The following HIVEP3 variants were observed in gnomAD, a reference collection of about 807,000 sequenced individuals.
The protein encoded by HIVEP3 is HIVEP zinc finger 3.
In HIVEP3, 49 loss-of-function variants were observed where a neutral mutation model predicts 152.8. The ratio of observed to expected loss-of-function variants is 0.32; its 90% CI spans 0.26 to 0.41. The LOEUF is 0.41. Among genes scored for constraint, HIVEP3 ranks in the 10% least tolerant of loss-of-function variants. The pLI, the probability that HIVEP3 is intolerant of heterozygous loss-of-function variation, is 1.00. For missense variants in HIVEP3, 2,790 were observed against 3,103.3 expected (o/e 0.90, Z 2.40); for synonymous variants, 1,269 against 1,289.0 (o/e 0.98, Z 0.33).
chr1:41,550,959 TC>T (rs1330603685), intron 5 of HIVEP3, among the ~76,000 whole-genome samples: 46 of 152,240 alleles, frequency 3.0e-4, no homozygotes, highest in African/African-American at 1.1e-3. Context: ...GTGCCAGTTT[TC>T]AAAGGGAATG....
chr1:41,740,835 C>T (rs943735368), intron 1 of HIVEP3, among the ~76,000 whole-genome samples: 3 of 152,156 alleles, frequency 2.0e-5, no homozygotes, highest in Non-Finnish European at 2.9e-5. Flanking sequence ...CCAAGCAACC[C>T]CCTGCCCTCA....
chr1:41,528,452 C>T (rs185140491), intron 5 of HIVEP3, among the ~76,000 whole-genome samples: 3 of 130,192 alleles, frequency 2.3e-5, no homozygotes, highest in African/African-American at 8.8e-5. Flanking sequence ...CCCACCCTCA[C>T]ACACACCCCA....
intron 1 of HIVEP3, among the ~76,000 whole-genome samples, chr1:41,728,763 C>T (rs1368720961): frequency 2.0e-5 from 3 of 152,220 alleles, no homozygotes; most frequent in Admixed American, 6.5e-5. Flanking sequence ...GGAATTCCCC[C>T]AAGGGGTGGG....
chr1:41,927,434 G>C (rs1390766113), intron 1 of HIVEP3, among the ~76,000 whole-genome samples: 1 of 152,192 alleles, frequency 6.6e-6, no homozygotes, highest in Non-Finnish European at 1.5e-5. Flanking sequence ...AGTCATTAAA[G>C]TCATGACTAG....
At chr1:41,680,015 C>T (rs886421044) in intron 2 of HIVEP3, among the ~76,000 whole-genome samples, 1 of 152,218 alleles carries the variant, frequency 6.6e-6, no homozygotes, top group African/African-American at 2.4e-5. Flanking sequence ...TACCCTGTGC[C>T]TCATCCTTTT....
At chr1:42,015,500 A>G (rs1645516944) in intron 1 of HIVEP3, among the ~76,000 whole-genome samples, 1 of 152,204 alleles carries the variant, frequency 6.6e-6, no homozygotes, top group South Asian at 2.1e-4. Flanking sequence ...CCTGCCTCCT[A>G]AGGAACCACG....
At chr1:41,579,299 A>T (rs1275370121) in intron 4 of HIVEP3, among the ~76,000 whole-genome samples, 2 of 152,236 alleles carry the variant, frequency 1.3e-5, no homozygotes, top group Non-Finnish European at 2.9e-5. Context: ...GAAACAGCAG[A>T]TGTAAGAATT....
chr1:41,733,610 C>T (rs1646874503), intron 1 of HIVEP3, among the ~76,000 whole-genome samples: 1 of 152,242 alleles, frequency 6.6e-6, no homozygotes, highest in Non-Finnish European at 1.5e-5. Flanking sequence ...CATGGCCTGG[C>T]TCTTGGGGCG....
intron 1 of HIVEP3, among the ~76,000 whole-genome samples, chr1:41,968,493 T>C (rs558725387): frequency 2.4e-4 from 37 of 152,296 alleles, no homozygotes; most frequent in Admixed American, 1.6e-3. Context: ...AAAAGTCCTT[T>C]GATAAAATTC....
chr1:41,881,741 C>T (rs1412584825), intron 1 of HIVEP3, among the ~76,000 whole-genome samples: 1 of 152,210 alleles, frequency 6.6e-6, no homozygotes, highest in East Asian at 1.9e-4. Flanking sequence ...CAGCCCAGGG[C>T]ATGCTCTGAA....
At chr1:41,984,065 G>A (rs1645308920) in intron 1 of HIVEP3, among the ~76,000 whole-genome samples, 1 of 152,208 alleles carries the variant, frequency 6.6e-6, no homozygotes, top group Non-Finnish European at 1.5e-5. Flanking sequence ...TTGAACTCCT[G>A]GACTCTAAGC....
At chr1:41,817,994 T>A (rs951123707) in intron 1 of HIVEP3, among the ~76,000 whole-genome samples, 3 of 152,110 alleles carry the variant, frequency 2.0e-5, no homozygotes, top group Admixed American at 2.0e-4. Flanking sequence ...AGGGGCCAGC[T>A]CTACTGTCCA....
At chr1:41,518,631 G>A in intron 6 of HIVEP3, 143 bp from the exon 7 acceptor site, 2 of 759,288 alleles carry the variant, frequency 2.6e-6, no homozygotes, top group South Asian at 3.1e-5. Context: ...CTGGGCAGGA[G>A]CTGGGGTATC....
At position 41,581,859 on chromosome 1, in the gene HIVEP3, C is replaced by G; in HGVS notation, c.2939G>C (p.Ser980Thr). 6.2e-7 allele frequency: 1 copy of G among 1,605,920 alleles called. No homozygotes were observed. The highest frequency in any genetic ancestry group is 2.2e-5 in the East Asian group (1 of 44,810). The change falls in exon 4 of 9, where the codon AGC (serine) becomes ACC (threonine). Residue 980 changes from serine to threonine, a missense_variant. This residue lies in a region of HIVEP3 where 1,078 missense variants were observed against 1,165.3 expected (regional missense o/e 0.93). Coordinates refer to ENST00000372583, the MANE Select transcript of HIVEP3 (RefSeq NM_024503.5). This position sits in a 1 kb window ranked among gnomAD's most constrained non-coding sequence, Gnocchi z 4.5. ...CATCTCTCGGGCATGTGGGTGGTGG[C>G]TGGGGACAGTCAACATGTGGGTGCC... Reference protein sequence around the residue: ...PLGTHMLTVPSHHPHAREMRR... With the variant: ...PLGTHMLTVPTHHPHAREMRR...
intron 2 of HIVEP3, among the ~76,000 whole-genome samples, chr1:41,673,792 G>C (rs1273949477): frequency 6.6e-6 from 1 of 152,148 alleles, no homozygotes; most frequent in Non-Finnish European, 1.5e-5. Flanking sequence ...GTTCAGTTTG[G>C]GAAAAACCAA....
At chr1:41,738,457 C>T (rs1558226458) in intron 1 of HIVEP3, among the ~76,000 whole-genome samples, 1 of 152,096 alleles carries the variant, frequency 6.6e-6, no homozygotes, top group Non-Finnish European at 1.5e-5. Flanking sequence ...CTGATACATG[C>T]TATAGCATAA....
chr1:41,729,524 C>A (rs1041090765), intron 1 of HIVEP3, among the ~76,000 whole-genome samples: 1 of 152,188 alleles, frequency 6.6e-6, no homozygotes, highest in Non-Finnish European at 1.5e-5. Context: ...CGTCACTGAC[C>A]TTTTTATTCT....
chr1:41,862,122 A>G (rs1435557497), intron 1 of HIVEP3, among the ~76,000 whole-genome samples: 1 of 152,180 alleles, frequency 6.6e-6, no homozygotes, highest in Non-Finnish European at 1.5e-5. Flanking sequence ...AAAAGGCCAG[A>G]CCACCCAAAG....
intron 1 of HIVEP3, among the ~76,000 whole-genome samples, chr1:41,803,280 T>C (rs1650410840): frequency 6.6e-6 from 1 of 152,200 alleles, no homozygotes. Flanking sequence ...TTGTTATTGT[T>C]GCTTTAAATT....
Sources: gnomAD v4.1 joint callset for allele counts (sites outside exome capture counted in the v4.1 genomes callset) on GRCh38, gnomAD v4.1.1 for gene constraint, gnomAD v4.1.1 regional missense constraint, Gnocchi (gnomAD v3.1) non-coding constraint, MANE v1.5 for transcripts, NCBI Gene and HGNC (gene_info 2026-07-23, HGNC 2026-07-21) for gene names.